The following KHDRBS2 variants were observed in gnomAD, a reference collection of about 807,000 sequenced individuals.
KHDRBS2 encodes KH RNA binding domain containing, signal transduction associated 2, also known as KH domain-containing, RNA-binding, signal transduction-associated protein 2.
In KHDRBS2, 26 loss-of-function variants were observed where a neutral mutation model predicts 44.3. The ratio of observed to expected loss-of-function variants is 0.59; its 90% CI spans 0.43 to 0.81. KHDRBS2 has a LOEUF of 0.81. Among genes scored for constraint, KHDRBS2 ranks in the 40% least tolerant of loss-of-function variants. KHDRBS2 has a pLI of 0.00. For missense variants in KHDRBS2, 476 were observed against 433.1 expected (o/e 1.10, Z -0.88); for synonymous variants, 194 against 151.1 (o/e 1.28, Z -2.08).
At chr6:61,667,250 T>C in the KHDRBS2 span, among the ~76,000 whole-genome samples, 1 of 150,910 alleles carries the variant, frequency 6.6e-6, no homozygotes, top group Non-Finnish European at 1.5e-5. Flanking sequence ...CTTTTTTTAA[T>C]GAAGTTCTTG....
At chr6:61,756,920 A>G (rs1307220844) in intron 6 of KHDRBS2, among the ~76,000 whole-genome samples, 1 of 152,148 alleles carries the variant, frequency 6.6e-6, no homozygotes, top group Non-Finnish European at 1.5e-5. Context: ...CTTTGCTACT[A>G]CAGATTAGTT....
chr6:61,952,665 C>A (rs1440380036), intron 4 of KHDRBS2, among the ~76,000 whole-genome samples: 2 of 152,026 alleles, frequency 1.3e-5, no homozygotes, highest in East Asian at 3.8e-4. Flanking sequence ...AAGCCAAGTA[C>A]AATTTTCCAC....
the KHDRBS2 span, among the ~76,000 whole-genome samples, chr6:61,600,645 C>T: frequency 0.34 from 52,327 of 151,882 alleles, 9,768 homozygotes; most frequent in East Asian, 0.49. Flanking sequence ...AATTTGGTGC[C>T]GAAGACCCGG....
chr6:61,958,876 A>T (rs9445697), intron 4 of KHDRBS2, among the ~76,000 whole-genome samples: 2 of 151,862 alleles, frequency 1.3e-5, no homozygotes, highest in East Asian at 3.9e-4. Context: ...TACATCAAAC[A>T]AGCCTGACAT....
intron 1 of KHDRBS2, among the ~76,000 whole-genome samples, chr6:62,198,702 C>A (rs564254356): frequency 1.3e-5 from 2 of 152,158 alleles, no homozygotes; most frequent in Admixed American, 1.3e-4. Flanking sequence ...TTCAAATCAA[C>A]AGAAAAAGAG....
At chr6:61,962,992 G>T (rs1240857204) in intron 4 of KHDRBS2, among the ~76,000 whole-genome samples, 4 of 152,048 alleles carry the variant, frequency 2.6e-5, no homozygotes, top group Non-Finnish European at 4.4e-5. Context: ...AAATATTTGT[G>T]CTGGCCATTC....
intron 6 of KHDRBS2, among the ~76,000 whole-genome samples, chr6:61,862,935 T>A (rs570371374): frequency 6.6e-6 from 1 of 151,594 alleles, no homozygotes; most frequent in Admixed American, 6.6e-5. Context: ...ATTCATCTGG[T>A]AAGCTATTTA....
chr6:62,276,755 T>C (rs1251839050), intron 1 of KHDRBS2, among the ~76,000 whole-genome samples: 2 of 152,226 alleles, frequency 1.3e-5, no homozygotes, highest in Admixed American at 1.3e-4. Context: ...AACAACAACA[T>C]TGATCTTCTA....
At chr6:61,999,507 A>G (rs1055114598) in intron 3 of KHDRBS2, among the ~76,000 whole-genome samples, 52 of 152,042 alleles carry the variant, frequency 3.4e-4, no homozygotes, top group Non-Finnish European at 6.5e-4. Flanking sequence ...TATACCAAAA[A>G]CACATCCTTT....
chr6:61,809,162 C>G (rs1242263395), intron 6 of KHDRBS2, among the ~76,000 whole-genome samples: 1 of 151,878 alleles, frequency 6.6e-6, no homozygotes. Flanking sequence ...TTGCAGAAGT[C>G]AAATTTACTA....
the KHDRBS2 span, among the ~76,000 whole-genome samples, chr6:61,638,437 G>A: frequency 6.6e-6 from 1 of 152,076 alleles, no homozygotes; most frequent in Non-Finnish European, 1.5e-5. Context: ...ATGGTGCTGG[G>A]AAAACTGGCT....
intron 2 of KHDRBS2, among the ~76,000 whole-genome samples, chr6:62,111,868 T>G (rs1352359126): frequency 6.6e-6 from 1 of 151,982 alleles, no homozygotes; most frequent in East Asian, 1.9e-4. Flanking sequence ...GGTGACAGAT[T>G]GAGACCCTGT....
At chr6:61,953,347 G>A (rs922813908) in intron 4 of KHDRBS2, among the ~76,000 whole-genome samples, 5 of 151,976 alleles carry the variant, frequency 3.3e-5, no homozygotes, top group Non-Finnish European at 5.9e-5. Flanking sequence ...AAAAATTATA[G>A]TTAGTCCTTG....
At chr6:61,843,028 T>TA (rs1195300627) in intron 6 of KHDRBS2, among the ~76,000 whole-genome samples, 2 of 151,488 alleles carry the variant, frequency 1.3e-5, no homozygotes, top group African/African-American at 4.8e-5. Flanking sequence ...TGATACATGT[T>TA]AAAAAATTCA....
Position 62,204,796 on chromosome 6 carries a change from G to A in KHDRBS2, c.92-27484C>T, listed in dbSNP as rs77284792. On this transcript the variant is annotated intron_variant, in intron 1 of 8. Transcript: ENST00000281156. ...CTCAACCCATGACTGTGAGGAATCA[G>A]CATATACAAAAAGTTGGTCCTCACT... Among the ~76,000 whole-genome samples the A allele has an allele frequency of 9.3e-3, 1,409 of 152,136 alleles. 6 individuals are homozygous for A. Among genetic ancestry groups the A allele is most frequent in the South Asian group, 0.02 (96 of 4,820 alleles).
At chr6:61,667,589 C>A in the KHDRBS2 span, among the ~76,000 whole-genome samples, 10 of 151,394 alleles carry the variant, frequency 6.6e-5, no homozygotes, top group Admixed American at 5.3e-4. Flanking sequence ...AAGGTAAAGC[C>A]TGGCTGCTTT....
the KHDRBS2 span, among the ~76,000 whole-genome samples, chr6:61,669,511 A>G: frequency 1.3e-5 from 2 of 150,934 alleles, no homozygotes; most frequent in African/African-American, 4.8e-5. Flanking sequence ...CATTATAAAA[A>G]TGTTTAAGGT....
At chr6:61,998,384 G>A (rs1166102423) in intron 3 of KHDRBS2, among the ~76,000 whole-genome samples, 2 of 152,052 alleles carry the variant, frequency 1.3e-5, no homozygotes, top group East Asian at 3.9e-4. Context: ...AGTCAAAGGT[G>A]TCTGGAAGAC....
chr6:61,607,542 A>AAAAAAAAAAC, the KHDRBS2 span, among the ~76,000 whole-genome samples: 1 of 148,394 alleles, frequency 6.7e-6, no homozygotes, highest in Non-Finnish European at 1.5e-5. Flanking sequence ...AAAAAAAAAA[A>AAAAAAAAAAC]AAAGATGTGT....
Sources: gnomAD v4.1 joint callset for allele counts (sites outside exome capture counted in the v4.1 genomes callset) on GRCh38, gnomAD v4.1.1 for gene constraint, MANE v1.5 for transcripts, NCBI Gene and HGNC (gene_info 2026-07-23, HGNC 2026-07-21) for gene names.